The following COL24A1 variants were observed in gnomAD, a reference collection of about 807,000 sequenced individuals.
COL24A1 encodes the protein collagen type XXIV alpha 1 chain.
Under a neutral mutation model 253.9 loss-of-function variants are expected in COL24A1, and 224 were observed. The ratio of observed to expected loss-of-function variants is 0.88; its 90% CI spans 0.79 to 0.99. The LOEUF is 0.99. COL24A1 is among the 50% of genes least tolerant of loss of function. COL24A1 has a pLI of 0.00. For synonymous variants in COL24A1, 685 were observed against 673.7 expected, an observed-to-expected ratio of 1.02 and a Z score of -0.26; for missense variants, 2,131 against 2,068.5, an observed-to-expected ratio of 1.03 and a Z score of -0.59.
intron 20 of COL24A1, among the ~76,000 whole-genome samples, chr1:85,975,062 C>T (rs191351997): frequency 6.6e-6 from 1 of 152,046 alleles, no homozygotes; most frequent in Admixed American, 6.6e-5. Context: ...AAATGCAAAT[C>T]AAAACCAGAA....
At position 85,970,210 on chromosome 1, in the gene COL24A1, AT is replaced by A. The variant is rs765314887; in HGVS notation, c.2463+16del. ...TCAAGAAAAGCACTTATGGAAAATT[AT>A]TTATATGATACCTACTCTTGGCCCC... is the stretch of plus-strand genomic sequence containing the variant. On this transcript the variant is annotated intron_variant, in intron 22 of 59. Transcript: ENST00000370571. The A allele has an allele frequency of 6.1e-5, 96 of 1,565,556 alleles. No homozygotes were observed. Among genetic ancestry groups the A allele is most frequent in the Middle Eastern group, 1.7e-4 (1 of 5,884 alleles).
intron 55 of COL24A1, among the ~76,000 whole-genome samples, chr1:85,754,816 AC>A (rs1347625649): frequency 6.6e-6 from 1 of 152,098 alleles, no homozygotes; most frequent in East Asian, 1.9e-4. Context: ...GTGAACAGAG[AC>A]TTAAGAGATC....
At chr1:86,026,715 G>A (rs1350369725) in intron 14 of COL24A1, among the ~76,000 whole-genome samples, 6 of 152,178 alleles carry the variant, frequency 3.9e-5, no homozygotes, top group African/African-American at 1.4e-4. Context: ...AATGGTTGCT[G>A]CTATAAAGAT....
chr1:85,917,170 A>G (rs540289608), intron 24 of COL24A1, among the ~76,000 whole-genome samples: 3 of 152,356 alleles, frequency 2.0e-5, no homozygotes, highest in Non-Finnish European at 2.9e-5. Flanking sequence ...CTGAGAAAAC[A>G]GCATAAATCC....
At chr1:85,746,708 AGG>A (rs1570436010) in intron 55 of COL24A1, among the ~76,000 whole-genome samples, 1 of 152,348 alleles carries the variant, frequency 6.6e-6, no homozygotes, top group East Asian at 1.9e-4. Context: ...TGTTAGGAGA[AGG>A]GGTAGGAGAG....
chr1:86,058,097 T>C (rs1347948485), intron 9 of COL24A1, 122 bp from the exon 10 acceptor site: 3 of 646,326 alleles, frequency 4.6e-6, no homozygotes, highest in Non-Finnish European at 7.5e-6. Flanking sequence ...CAGAACTCTG[T>C]ATAACTAATG....
At chr1:86,046,790 G>C (rs1451933360) in intron 12 of COL24A1, 35 bp downstream of exon 12, 1 of 1,609,718 alleles carries the variant, frequency 6.2e-7, no homozygotes. Flanking sequence ...TTATATTGCT[G>C]TAAAATAAAC....
At chr1:85,845,867 A>G (rs1377414127) in intron 39 of COL24A1, among the ~76,000 whole-genome samples, 1 of 151,894 alleles carries the variant, frequency 6.6e-6, no homozygotes, top group Non-Finnish European at 1.5e-5. Flanking sequence ...AAAAAGACAT[A>G]TGGTGTTTAT....
chr1:85,759,799 G>A (rs1666653096), intron 55 of COL24A1, among the ~76,000 whole-genome samples: 1 of 152,184 alleles, frequency 6.6e-6, no homozygotes, highest in Admixed American at 6.5e-5. Flanking sequence ...TTTTCCAAGT[G>A]AGACAGGGAT....
chr1:85,824,128 A>G (rs768373110), intron 43 of COL24A1, among the ~76,000 whole-genome samples: 10 of 152,184 alleles, frequency 6.6e-5, no homozygotes, highest in Non-Finnish European at 1.3e-4. Flanking sequence ...TGTGGGCCCT[A>G]AATCCACTAA....
intron 38 of COL24A1, 95 bp from the exon 39 acceptor site, chr1:85,847,867 T>C: frequency 1.4e-6 from 1 of 707,622 alleles, no homozygotes; most frequent in Non-Finnish European, 2.4e-6. Context: ...CTGAGGATTA[T>C]CTGGTTAACA....
intron 10 of COL24A1, among the ~76,000 whole-genome samples, chr1:86,052,288 C>T (rs1700369559): frequency 6.6e-6 from 1 of 151,878 alleles, no homozygotes; most frequent in Admixed American, 6.6e-5. Flanking sequence ...ATTTCTATAC[C>T]CATTCCAGCA....
At chr1:85,782,804 C>T (rs1449371009) in intron 51 of COL24A1, among the ~76,000 whole-genome samples, 1 of 152,112 alleles carries the variant, frequency 6.6e-6, no homozygotes, top group Non-Finnish European at 1.5e-5. Context: ...CACAGCCAAA[C>T]CATTACTTGA....
intron 2 of COL24A1, among the ~76,000 whole-genome samples, chr1:86,127,419 C>T (rs2102281634): frequency 6.6e-6 from 1 of 152,148 alleles, no homozygotes; most frequent in African/African-American, 2.4e-5. Context: ...TCTTCAGCAC[C>T]TTCCTTGCAA....
rs545522075 is a variant in COL24A1, at chr1:86,145,027, C to A, written c.121+1092G>T. On this transcript the variant is annotated intron_variant, in intron 2 of 59. Transcript: ENST00000370571. Reference sequence around the variant, plus strand: ...AGTTACATGTGACATGTGGCTTAATCATTTCCCATAAAAGAGATTTAGAAA... The same window carrying A: ...AGTTACATGTGACATGTGGCTTAATAATTTCCCATAAAAGAGATTTAGAAA... Among the ~76,000 whole-genome samples the A allele has an allele frequency of 1.1e-4, 16 of 152,182 alleles. 1 individual carries two copies. The highest frequency in any genetic ancestry group is 1.0e-3 in the Admixed American group (16 of 15,300).
chr1:85,781,072 C>T (rs1401175502), intron 52 of COL24A1, 148 bp downstream of exon 52: 9 of 569,030 alleles, frequency 1.6e-5, no homozygotes, highest in Non-Finnish European at 2.4e-5. Context: ...TGGTCCCTAA[C>T]TTCTCAGGAA....
rs1491169938 is a variant in COL24A1 at position 86,108,620 on chromosome 1, T to TAAAGAAAAAAAAAAAAAAAA, written c.1599+3946_1599+3947insTTTTTTTTTTTTTTTTCTTT. 1.8e-4 allele frequency among the ~76,000 whole-genome samples: 15 copies of TAAAGAAAAAAAAAAAAAAAA among 83,098 alleles called. 1 individual carries two copies. The highest frequency in any genetic ancestry group is 7.7e-4 in the African/African-American group (15 of 19,468). 54.5% of individuals were successfully genotyped at this position (83,098 alleles called of 152,430 possible). On this transcript the variant is annotated intron_variant, in intron 5 of 59. Coordinates refer to ENST00000370571, the MANE Select transcript of COL24A1 (RefSeq NM_152890.7). ...GAAAATGGAGAAACCCCATCTCTAC[T>TAAAGAAAAAAAAAAAAAAAA]AAAAAAAAAAAAAAAAAAAAAAAAA...
At chr1:85,829,492 C>A (rs1439254746) in intron 43 of COL24A1, among the ~76,000 whole-genome samples, 1 of 151,868 alleles carries the variant, frequency 6.6e-6, no homozygotes, top group African/African-American at 2.4e-5. Context: ...TGGGGAAATT[C>A]TCCTGGATAA....
intron 22 of COL24A1, among the ~76,000 whole-genome samples, chr1:85,967,392 G>A (rs1367571809): frequency 1.3e-5 from 2 of 152,180 alleles, no homozygotes; most frequent in Admixed American, 6.5e-5. Context: ...GCAGGATGAG[G>A]AATTTGGGAT....
Sources: gnomAD v4.1 joint callset for allele counts (sites outside exome capture counted in the v4.1 genomes callset) on GRCh38, gnomAD v4.1.1 for gene constraint, MANE v1.5 for transcripts, NCBI Gene and HGNC (gene_info 2026-07-23, HGNC 2026-07-21) for gene names.